TLCD1: variants seen among roughly 807,000 people sequenced by gnomAD.
TLCD1 encodes TLC domain-containing protein 1.
In TLCD1, 21 loss-of-function variants were observed where a neutral mutation model predicts 21.2. The observed-to-expected ratio is 0.99, with a 90% CI of 0.70 to 1.42. The LOEUF (loss-of-function observed/expected upper bound fraction) is 1.42. TLCD1 is among the 40% of genes most tolerant of loss of function. The probability of loss-of-function intolerance (pLI) is 0.00; values close to 1 mark genes in which losing one functional copy is unlikely to be tolerated. For synonymous variants in TLCD1, 168 were observed against 134.8 expected, an observed-to-expected ratio of 1.25 and a Z score of -1.71; for missense variants, 344 against 330.3, an observed-to-expected ratio of 1.04 and a Z score of -0.32.
chr17:28,726,907 T>A, upstream of TLCD1: 2 of 1,274,818 alleles, frequency 1.6e-6, no homozygotes, highest in Non-Finnish European at 2.2e-6. Context: ...CCCCGGAGGC[T>A]GGGCAAGCAA....
chr17:28,726,660 TG>T, upstream of TLCD1: 1 of 1,204,804 alleles, frequency 8.3e-7, no homozygotes, highest in Non-Finnish European at 1.2e-6. Flanking sequence ...GGTCCTGGGG[TG>T]GGCTCCGGAG....
At chr17:28,725,768 A>G (rs529559027) in intron 1 of TLCD1, 136 bp downstream of exon 1, 2 of 1,277,646 alleles carry the variant, frequency 1.6e-6, no homozygotes, top group East Asian at 5.1e-5. Flanking sequence ...TTGGTTGGAT[A>G]GGATACCAAA....
At chr17:28,727,556 C>G (rs941909640), upstream of TLCD1, 1 of 152,304 alleles carries the variant, frequency 6.6e-6, no homozygotes, top group African/African-American at 2.4e-5. Context: ...CTTGCCCACT[C>G]TGATACAGGG....
upstream of TLCD1, chr17:28,727,624 CTT>C (rs752655838): frequency 5.9e-5 from 7 of 119,150 alleles, no homozygotes; most frequent in Non-Finnish European, 1.1e-4. Flanking sequence ...TTCTTTCTTT[CTT>C]TTTTTTTTTT....
At chr17:28,725,804 T>C in intron 1 of TLCD1, 100 bp downstream of exon 1, 1 of 1,462,194 alleles carries the variant, frequency 6.8e-7, no homozygotes, top group Middle Eastern at 2.1e-4. Context: ...CTGCGTGGCC[T>C]CAGCCCGCCA....
At chr17:28,726,342 C>T, upstream of TLCD1, 1 of 809,492 alleles carries the variant, frequency 1.2e-6, no homozygotes, top group African/African-American at 1.9e-5. Context: ...GCCCCCGCCC[C>T]TCAGGCGCTG....
At position 28,725,970 on chromosome 17, in the gene TLCD1, C is replaced by G; in HGVS notation, c.128G>C (p.Trp43Ser). The G allele has an allele frequency of 6.2e-7, 1 of 1,612,416 alleles. No homozygotes were observed. The part of the protein sequence containing the change: ...VHVRADPLRT[W>S]RWHNLLVSFA... ...GGAGACGAGCAGGTTGTGCCAGCGC[C>G]AGGTGCGCAGGGGGTCGGCGCGCAC... is the stretch of plus-strand genomic sequence containing the variant. The change falls in exon 1 of 4, where the codon TGG becomes TCG. Residue 43 changes from tryptophan (W) to serine (S), a missense_variant. Trp to Ser is a radical substitution (Grantham distance 177). Coordinates refer to ENST00000292090, the MANE Select transcript of TLCD1 (RefSeq NM_138463.4).
intron 1 of TLCD1, 124 bp from the exon 2 acceptor site, chr17:28,725,687 G>A (rs1234687488): frequency 1.4e-5 from 17 of 1,220,992 alleles, no homozygotes; most frequent in Non-Finnish European, 1.7e-5. Context: ...GAAGCTAAGA[G>A]TGGCTGGGCA....
chr17:28,726,305 G>T, upstream of TLCD1: 1 of 881,366 alleles, frequency 1.1e-6, no homozygotes, highest in Non-Finnish European at 1.3e-6. Flanking sequence ...CCCCCGCCCC[G>T]CCCGCCTGCC....
In TLCD1 at chr17:28,724,840, A is replaced by C. The variant is rs932738863; in HGVS notation, c.414T>G (p.Gly138=). Residue 138 remains glycine, a synonymous_variant, in exon 4 of 4, where the codon GGT becomes GGG. Transcript: ENST00000292090. ...GIFWSSFVGG[G]VLTLLVEVSN... ...TGACTTCCACCAGTAGTGTTAAGAC[A>C]CCCCCACCGACAAAGCTGCTCCAAA... 1.1e-5 allele frequency: 17 copies of C among 1,613,272 alleles called. No homozygotes were observed. The highest frequency in any genetic ancestry group is 1.4e-5 in the Non-Finnish European group (17 of 1,179,770).
At position 28,724,577 on chromosome 17, in the gene TLCD1, A is replaced by G; in HGVS notation, c.677T>C (p.Leu226Pro). The G allele has an allele frequency of 6.2e-7, 1 of 1,614,084 alleles. No homozygotes were observed. The highest frequency in any genetic ancestry group is 8.5e-7 in the Non-Finnish European group (1 of 1,179,972). ...VMIIIYFSRLLRSDFCPEHVP... is the reference protein window; with the variant it reads ...VMIIIYFSRLPRSDFCPEHVP... ...ATGCTCAGGGCAGAAGTCAGAGCGG[A>G]GGAGGCGGGAAAAGTAGATTATGAT... Residue 226 changes from leucine to proline, a missense_variant, in exon 4 of 4, where the codon CTC (leucine) becomes CCC (proline). Physicochemically the swap from Leu to Pro is moderately conservative, Grantham distance 98. Coordinates refer to ENST00000292090, the MANE Select transcript of TLCD1 (RefSeq NM_138463.4).
At position 28,724,672 on chromosome 17, in the gene TLCD1, G is replaced by A; in HGVS notation, c.582C>T (p.Phe194=). 6.2e-7 allele frequency: 1 copy of A among 1,614,172 alleles called. No individual in the cohort carries two copies. Among genetic ancestry groups the A allele is most frequent in the Non-Finnish European group, 8.5e-7 (1 of 1,179,996 alleles). The change falls in exon 4 of 4, where the codon TTC becomes TTT. Residue 194 remains phenylalanine (F), a synonymous_variant. Coordinates refer to ENST00000292090, the MANE Select transcript of TLCD1 (RefSeq NM_138463.4). ...LAPQAYLTHF[F]LRYVNQRTLG... is the part of the protein sequence containing the mutation. ...GGGTCCTCTGGTTCACATAACGCAA[G>A]AAGAAATGGGTGAGGTAGGCCTGAG... is the stretch of plus-strand genomic sequence containing the variant.
At chr17:28,726,345 A>G (rs1419682206), upstream of TLCD1, 135 of 653,978 alleles carry the variant, frequency 2.1e-4, no homozygotes, top group Non-Finnish European at 2.3e-4. Flanking sequence ...CCCGCCCCTC[A>G]GGCGCTGCTG....
upstream of TLCD1, chr17:28,727,450 G>A (rs1168829285): frequency 6.5e-6 from 1 of 152,914 alleles, no homozygotes; most frequent in African/African-American, 2.4e-5. Context: ...GCCTGAGCCA[G>A]CGCCCTTCCA....
Position 28,725,497 on chromosome 17 carries a change from G to A in TLCD1, c.261C>T (p.Leu87=), listed in dbSNP as rs770602414. 6.2e-7 allele frequency: 1 copy of A among 1,614,086 alleles called. No homozygotes were observed. The highest frequency in any genetic ancestry group is 1.3e-5 in the African/African-American group (1 of 75,024). The change falls in exon 2 of 4, where the codon CTC becomes CTT. Residue 87 remains leucine (L), a synonymous_variant. Coordinates refer to ENST00000292090, the MANE Select transcript of TLCD1 (RefSeq NM_138463.4). ...ETAWSLSGYL[L]VCFSAGYFIH... ...AAGACCTACCCGCAGAGAAGCAAACGAGCAAATAGCCAGAAAGTGACCACG... is the reference window on the plus strand; with the variant it reads ...AAGACCTACCCGCAGAGAAGCAAACAAGCAAATAGCCAGAAAGTGACCACG...
In TLCD1 at chr17:28,725,496, C is replaced by T. The variant is rs746546574; in HGVS notation, c.262G>A (p.Val88Ile). 2 of 1,614,154 alleles carry T rather than the reference C, an allele frequency of 1.2e-6. No individual in the cohort carries two copies. Among genetic ancestry groups the T allele is most frequent in the East Asian group, 2.2e-5 (1 of 44,884 alleles). Reference protein sequence around the residue: ...TAWSLSGYLLVCFSAGYFIHD... With the variant: ...TAWSLSGYLLICFSAGYFIHD... ...CAAGACCTACCCGCAGAGAAGCAAACGAGCAAATAGCCAGAAAGTGACCAC... is the reference window on the plus strand; with the variant it reads ...CAAGACCTACCCGCAGAGAAGCAAATGAGCAAATAGCCAGAAAGTGACCAC... The change falls in exon 2 of 4, where the codon GTT becomes ATT. Residue 88 changes from valine (V) to isoleucine (I), a missense_variant. By Grantham distance (29) the Val-to-Ile change is conservative. Transcript: ENST00000292090.
At chr17:28,725,609 G>T in intron 1 of TLCD1, 46 bp from the exon 2 acceptor site, 2 of 1,587,226 alleles carry the variant, frequency 1.3e-6, no homozygotes, top group South Asian at 2.2e-5. Flanking sequence ...CACCCTCAAG[G>T]ACCATCAACT....
Position 28,725,905 on chromosome 17 carries a change from A to T in TLCD1, c.193T>A (p.Cys65Ser). The T allele has an allele frequency of 6.2e-7, 1 of 1,612,866 alleles. No individual in the cohort carries two copies. Among genetic ancestry groups the T allele is most frequent in the Non-Finnish European group, 8.5e-7 (1 of 1,179,794 alleles). The stretch of plus-strand genomic sequence containing the variant: ...TCATTTCCACAGTCGCTCACTCACC[A>T]CAGCAGTGCCCAGATCCCCGACACA... ...SIVSGIWALL[C>S]VWQTPDMLVE... Residue 65 changes from cysteine (C) to serine (S), a missense_variant and splice_region_variant, in exon 1 of 4, where the codon TGT (cysteine) becomes AGT (serine). Physicochemically the swap from Cys to Ser is moderately radical, Grantham distance 112 (BLOSUM62 -1). Coordinates refer to ENST00000292090, the MANE Select transcript of TLCD1 (RefSeq NM_138463.4).
upstream of TLCD1, chr17:28,727,036 C>A (rs1008523686): frequency 1.7e-6 from 1 of 587,886 alleles, no homozygotes; most frequent in Non-Finnish European, 3.1e-6. Flanking sequence ...CGGGCTCCCC[C>A]TCCCGCCTCC....
Sources: gnomAD v4.1 joint callset for allele counts on GRCh38, gnomAD v4.1.1 for gene constraint, MANE v1.5 for transcripts, NCBI Gene and HGNC (gene_info 2026-07-23, HGNC 2026-07-21) for gene names.